Variants in ANO3 observed in about 807,000 individuals in gnomAD.
The protein encoded by ANO3 is anoctamin-3.
Under a neutral mutation model 144.8 loss-of-function variants are expected in ANO3, and 99 were observed. The ratio of observed to expected loss-of-function variants is 0.68; its 90% CI spans 0.58 to 0.81. ANO3 has a LOEUF of 0.81. ANO3 is among the 30% of genes least tolerant of loss of function. The pLI is 0.00. For synonymous variants in ANO3, 414 were observed against 392.6 expected (o/e 1.05, Z -0.64); for missense variants, 905 against 1,202.2 (o/e 0.75, Z 3.66).
At chr11:26,452,346 A>C (rs537291791) in intron 3 of ANO3, among the ~76,000 whole-genome samples, 1 of 152,306 alleles carries the variant, frequency 6.6e-6, no homozygotes, top group South Asian at 2.1e-4. Flanking sequence ...CATTTAGACG[A>C]ATGTATAACT....
chr11:26,419,572 C>G (rs1181692956), intron 1 of ANO3, among the ~76,000 whole-genome samples: 2 of 152,002 alleles, frequency 1.3e-5, no homozygotes, highest in African/African-American at 2.4e-5. Context: ...TCTATGTATG[C>G]AGACCCAGTG....
intron 22 of ANO3, among the ~76,000 whole-genome samples, chr11:26,642,811 TTCC>T (rs900976051): frequency 2.7e-4 from 40 of 146,242 alleles, no homozygotes; most frequent in Admixed American, 1.1e-3. Flanking sequence ...CTTCTTCTTT[TTCC>T]TCCTCCTCCT....
chr11:26,477,163 G>A lies in ANO3; in HGVS notation c.432+14015G>A, dbSNP rs143415800. 4.7e-3 allele frequency among the ~76,000 whole-genome samples: 712 copies of A among 152,140 alleles called. 9 individuals are homozygous for A. Among genetic ancestry groups the A allele is most frequent in the Middle Eastern group, 0.038 (11 of 292 alleles). On this transcript the variant is annotated intron_variant, in intron 4 of 26. Transcript: ENST00000256737. The stretch of plus-strand genomic sequence containing the variant: ...TCCAGGTACCATATGAGAAACAGTG[G>A]ATATGAAATGAATAAGACATGGTTT...
intron 14 of ANO3, among the ~76,000 whole-genome samples, chr11:26,582,735 T>A (rs1300003197): frequency 6.6e-6 from 1 of 152,154 alleles, no homozygotes; most frequent in Non-Finnish European, 1.5e-5. Flanking sequence ...TTTTAATTAA[T>A]TATTTCAACA....
At chr11:26,361,621 T>C (rs1407360804) in intron 1 of ANO3, among the ~76,000 whole-genome samples, 1 of 152,204 alleles carries the variant, frequency 6.6e-6, no homozygotes, top group African/African-American at 2.4e-5. Flanking sequence ...CTGCCAACTT[T>C]GGTGCTTATT....
chr11:26,475,172 A>C (rs1376058970), intron 4 of ANO3, among the ~76,000 whole-genome samples: 1 of 151,942 alleles, frequency 6.6e-6, no homozygotes, highest in African/African-American at 2.4e-5. Flanking sequence ...AATTCAATTA[A>C]TATTTTCTTT....
At chr11:26,197,081 A>T (rs887265257) in intron 1 of ANO3, among the ~76,000 whole-genome samples, 2 of 152,222 alleles carry the variant, frequency 1.3e-5, no homozygotes, top group East Asian at 1.9e-4. Flanking sequence ...ACTGGTAATA[A>T]TATTATTCCA....
chr11:26,415,056 ATGTGTGTG>A (rs149901742), intron 1 of ANO3, among the ~76,000 whole-genome samples: 57 of 145,534 alleles, frequency 3.9e-4, no homozygotes, highest in African/African-American at 1.0e-3. Flanking sequence ...ATTGGTGTGT[ATGTGTGTG>A]TGTGTGTGTG....
At chr11:26,518,556 C>CAT (rs140684789) in intron 6 of ANO3, among the ~76,000 whole-genome samples, 16,671 of 151,922 alleles carry the variant, frequency 0.11, 1,265 homozygotes, top group Admixed American at 0.15. Flanking sequence ...TACAACTTTT[C>CAT]AGACTCCACT....
At chr11:26,438,207 G>T (rs1858362408) in intron 1 of ANO3, among the ~76,000 whole-genome samples, 1 of 152,128 alleles carries the variant, frequency 6.6e-6, no homozygotes, top group South Asian at 2.1e-4. Context: ...CCAAAAGAGA[G>T]CGGGAGCTAA....
At chr11:26,222,718 G>T (rs1304440124) in intron 1 of ANO3, among the ~76,000 whole-genome samples, 1 of 152,182 alleles carries the variant, frequency 6.6e-6, no homozygotes, top group African/African-American at 2.4e-5. Flanking sequence ...AAGCTACCAA[G>T]GCTTATGGCT....
intron 4 of ANO3, 74 bp from the exon 5 acceptor site, chr11:26,508,030 A>G: frequency 7.4e-7 from 1 of 1,348,916 alleles, no homozygotes; most frequent in Non-Finnish European, 1.0e-6. Context: ...CCAGTGTTCA[A>G]ATGGCAGTAA....
upstream of ANO3, among the ~76,000 whole-genome samples, chr11:26,307,532 T>C (rs1450959685): frequency 6.6e-6 from 1 of 151,760 alleles, no homozygotes; most frequent in Non-Finnish European, 1.5e-5. Context: ...GAAATGTCTC[T>C]ACTAAAAATT....
At chr11:26,577,197 T>C (rs1263099529) in intron 14 of ANO3, among the ~76,000 whole-genome samples, 12 of 152,156 alleles carry the variant, frequency 7.9e-5, no homozygotes. Flanking sequence ...TGGGTAGATA[T>C]GGTTTTGGTG....
At chr11:26,611,172 C>T (rs1481649595) in intron 17 of ANO3, among the ~76,000 whole-genome samples, 4 of 151,904 alleles carry the variant, frequency 2.6e-5, no homozygotes, top group African/African-American at 7.2e-5. Context: ...TTTGGGGTTT[C>T]GTTTGTCTTT....
intron 10 of ANO3, 68 bp from the exon 11 acceptor site, chr11:26,541,879 A>T: frequency 7.0e-7 from 1 of 1,434,466 alleles, no homozygotes; most frequent in Non-Finnish European, 9.4e-7. Context: ...AAGGGAAAAT[A>T]CAGTTCTTAC....
intron 4 of ANO3, among the ~76,000 whole-genome samples, chr11:26,503,102 G>T (rs1213261022): frequency 2.0e-5 from 3 of 152,090 alleles, no homozygotes; most frequent in Non-Finnish European, 4.4e-5. Flanking sequence ...ACACATTAAT[G>T]ATTTAGTTAT....
intron 1 of ANO3, among the ~76,000 whole-genome samples, chr11:26,215,960 C>T (rs1590198091): frequency 6.6e-6 from 1 of 151,910 alleles, no homozygotes; most frequent in African/African-American, 2.4e-5. Flanking sequence ...ACTTCATCAA[C>T]CAGGGTACGA....
intron 1 of ANO3, among the ~76,000 whole-genome samples, chr11:26,382,756 T>C (rs931464936): frequency 1.3e-5 from 2 of 152,194 alleles, no homozygotes; most frequent in Non-Finnish European, 2.9e-5. Flanking sequence ...AATATTGTAC[T>C]GCTTATATAA....
Sources: allele counts gnomAD v4.1 joint callset (sites outside exome capture counted in the v4.1 genomes callset), GRCh38; gene constraint gnomAD v4.1.1; transcripts MANE v1.5; gene names NCBI Gene and HGNC (gene_info 2026-07-23, HGNC 2026-07-21).